The following WDR93 variants were observed in gnomAD, a reference collection of about 807,000 sequenced individuals.
WDR93 encodes the protein WD repeat domain 93.
In WDR93, 73 loss-of-function variants were observed where a neutral mutation model predicts 82.9. That is an observed-to-expected ratio of 0.88 (90% CI 0.73 to 1.07). WDR93 has a LOEUF of 1.07. Among genes scored for constraint, WDR93 ranks in the 50% least tolerant of loss-of-function variants. The pLI, the probability that WDR93 is intolerant of heterozygous loss-of-function variation, is 0.00. For synonymous variants in WDR93, 283 were observed against 300.1 expected (o/e 0.94, Z 0.59); for missense variants, 738 against 826.0 (o/e 0.89, Z 1.31).
intron 12 of WDR93, among the ~76,000 whole-genome samples, chr15:89,731,923 C>T (rs1272603210): frequency 6.6e-6 from 1 of 152,158 alleles, no homozygotes; most frequent in Non-Finnish European, 1.5e-5. Context: ...CCCCCAAGCT[C>T]TCTAAATAAG....
At chr15:89,734,266 G>A (rs763479822) in intron 13 of WDR93, among the ~76,000 whole-genome samples, 8 of 152,154 alleles carry the variant, frequency 5.3e-5, no homozygotes, top group Non-Finnish European at 1.0e-4. Flanking sequence ...AATTTGGACT[G>A]GACTCAGTCC....
chr15:89,726,865 C>T (rs1357855138), intron 8 of WDR93, among the ~76,000 whole-genome samples: 3 of 151,608 alleles, frequency 2.0e-5, no homozygotes, highest in African/African-American at 4.9e-5. Flanking sequence ...TGCCCCACCG[C>T]CCCCCACACC....
At chr15:89,726,246 A>C (rs1966733171) in intron 8 of WDR93, among the ~76,000 whole-genome samples, 1 of 152,210 alleles carries the variant, frequency 6.6e-6, no homozygotes, top group South Asian at 2.1e-4. Context: ...AATAGAACAC[A>C]ACCCCCATCT....
At chr15:89,730,970 T>G (rs1403861369) in intron 11 of WDR93, among the ~76,000 whole-genome samples, 1 of 152,204 alleles carries the variant, frequency 6.6e-6, no homozygotes, top group Non-Finnish European at 1.5e-5. Flanking sequence ...ATACTTTATA[T>G]TACACTTCAA....
intron 1 of WDR93, among the ~76,000 whole-genome samples, chr15:89,697,083 C>G (rs999262175): frequency 4.6e-5 from 7 of 152,130 alleles, no homozygotes; most frequent in Admixed American, 4.6e-4. Flanking sequence ...ATCCTCCTAC[C>G]TCACCTGGGA....
In WDR93 at chr15:89,727,293, G is replaced by A. The variant is rs1160169410; in HGVS notation, c.1017G>A (p.Lys339=). The change falls in exon 9 of 17, where the codon AAG becomes AAA. Residue 339 remains lysine (K), a synonymous_variant. Transcript: ENST00000268130. ...QAEIFNASYK[K]YLDREWEEEP... Reference sequence around the variant, plus strand: ...AGATCTTCAACGCTTCCTACAAGAAGTACCTAGATAGGGAGTGGGAGGAAG... The same window carrying A: ...AGATCTTCAACGCTTCCTACAAGAAATACCTAGATAGGGAGTGGGAGGAAG... 1.2e-6 allele frequency: 2 copies of A among 1,614,096 alleles called. No homozygotes were observed. Among genetic ancestry groups the A allele is most frequent in the East Asian group, 4.5e-5 (2 of 44,890 alleles).
At chr15:89,732,983 G>A (rs764089308) in intron 12 of WDR93, 23 bp from the exon 13 acceptor site, 1 of 1,611,790 alleles carries the variant, frequency 6.2e-7, no homozygotes, top group East Asian at 2.2e-5. Context: ...TTTCTGACCG[G>A]CTTGTGTGAT....
chr15:89,695,732 T>C (rs1029182663), intron 1 of WDR93, among the ~76,000 whole-genome samples: 2 of 151,966 alleles, frequency 1.3e-5, no homozygotes, highest in South Asian at 4.1e-4. Context: ...AAGCATATCA[T>C]CTGGAGATAA....
rs1176952864 is a variant in WDR93, at chr15:89,715,485, C to T, written c.756+390C>T. On this transcript the variant is annotated intron_variant, in intron 6 of 16. Transcript: ENST00000268130. ...GACTATGGTATAAAGAGGTTGTTCT[C>T]AATATACAGAAATATATATATATTT... is the stretch of plus-strand genomic sequence containing the variant. Among the ~76,000 whole-genome samples the T allele has an allele frequency of 2.6e-5, 4 of 152,186 alleles. 1 individual carries two copies. The Middle Eastern group carries it at 0.01, about 388-fold the overall frequency.
intron 14 of WDR93, among the ~76,000 whole-genome samples, chr15:89,735,861 G>A (rs569863926): frequency 2.0e-5 from 3 of 152,156 alleles, no homozygotes; most frequent in Non-Finnish European, 4.4e-5. Context: ...TGGCAGCAGG[G>A]GAGGACTGTG....
rs1471895659 is a variant in WDR93, at chr15:89,703,072, G to A, written c.426G>A (p.Lys142=). Residue 142 remains lysine, a synonymous_variant, in exon 3 of 17, where the codon AAG becomes AAA. Coordinates refer to ENST00000268130, the MANE Select transcript of WDR93 (RefSeq NM_020212.2). ...AKQIYAWEKL[K]VDVTSIWATD... ...AAATATATGCGTGGGAGAAGCTTAAGGTTGATGTCACTTCCATCTGGGCCA... is the reference window on the plus strand; with the variant it reads ...AAATATATGCGTGGGAGAAGCTTAAAGTTGATGTCACTTCCATCTGGGCCA... 4.3e-6 allele frequency: 7 copies of A among 1,614,152 alleles called. No homozygotes were observed. The highest frequency in any genetic ancestry group is 5.9e-6 in the Non-Finnish European group (7 of 1,180,018).
At chr15:89,735,623 T>C in intron 14 of WDR93, 70 bp downstream of exon 14, 1 of 1,512,830 alleles carries the variant, frequency 6.6e-7, no homozygotes. Flanking sequence ...TGTTCATCTG[T>C]CCTTTAGAAA....
chr15:89,712,130 G>A, intron 5 of WDR93, 26 bp downstream of exon 5: 1 of 1,584,432 alleles, frequency 6.3e-7, no homozygotes, highest in African/African-American at 1.3e-5. Context: ...GACTGTTAAG[G>A]TTCAAATTTT....
At chr15:89,738,881 G>A (rs143586953) in intron 16 of WDR93, among the ~76,000 whole-genome samples, 2,092 of 152,184 alleles carry the variant, frequency 0.014, 47 homozygotes, top group African/African-American at 0.048. Context: ...TTGGGAGGCC[G>A]AGGTGGGCAG....
intron 12 of WDR93, among the ~76,000 whole-genome samples, chr15:89,731,777 T>G (rs565688125): frequency 6.6e-6 from 1 of 152,242 alleles, no homozygotes; most frequent in Non-Finnish European, 1.5e-5. Flanking sequence ...CATGTGTTTA[T>G]TGAGTGACTT....
intron 3 of WDR93, chr15:89,705,140 C>G (rs1420338601): frequency 3.9e-5 from 7 of 179,382 alleles, no homozygotes; most frequent in East Asian, 1.8e-4. Flanking sequence ...ACACATGGAA[C>G]AGTGAGCTAT....
chr15:89,734,314 C>G (rs1966988215), intron 13 of WDR93, among the ~76,000 whole-genome samples: 1 of 152,172 alleles, frequency 6.6e-6, no homozygotes, highest in South Asian at 2.1e-4. Context: ...CTCAAATGTG[C>G]CTTCAGGCAG....
At chr15:89,709,956 C>T (rs1161637859) in intron 4 of WDR93, among the ~76,000 whole-genome samples, 1 of 151,764 alleles carries the variant, frequency 6.6e-6, no homozygotes, top group Non-Finnish European at 1.5e-5. Flanking sequence ...GTCAGTAGAA[C>T]AAGACCATCC....
chr15:89,722,240 A>G (rs1361217312), intron 8 of WDR93, 101 bp downstream of exon 8: 2 of 1,005,506 alleles, frequency 2.0e-6, no homozygotes, highest in African/African-American at 3.4e-5. Context: ...ACGATATCAA[A>G]ATTACAAACA....
Sources: allele counts gnomAD v4.1 joint callset (sites outside exome capture counted in the v4.1 genomes callset), GRCh38; gene constraint gnomAD v4.1.1; transcripts MANE v1.5; gene names NCBI Gene and HGNC (gene_info 2026-07-23, HGNC 2026-07-21).